Variants in ALCAM observed in about 807,000 individuals in gnomAD.
ALCAM encodes the protein activated leukocyte cell adhesion molecule.
A neutral mutation model predicts 70.9 loss-of-function variants in ALCAM; 30 were observed. The ratio of observed to expected loss-of-function variants is 0.42; its 90% CI spans 0.32 to 0.57. The LOEUF (loss-of-function observed/expected upper bound fraction) is 0.57. Ranked by LOEUF, ALCAM falls within the 20% of genes least tolerant of loss-of-function variation. ALCAM has a pLI of 0.11. For missense variants in ALCAM, 591 were observed against 695.1 expected (o/e 0.85, Z 1.68); for synonymous variants, 249 against 242.5 (o/e 1.03, Z -0.25).
intron 1 of ALCAM, among the ~76,000 whole-genome samples, chr3:105,390,669 G>T (rs1935794429): frequency 6.6e-6 from 1 of 152,004 alleles, no homozygotes; most frequent in Non-Finnish European, 1.5e-5. Flanking sequence ...TGAAATCTTT[G>T]CCCATGCCTA....
intron 14 of ALCAM, among the ~76,000 whole-genome samples, chr3:105,557,824 G>T (rs561428676): frequency 1.3e-5 from 2 of 152,148 alleles, no homozygotes; most frequent in South Asian, 4.2e-4. Flanking sequence ...CTATTTCTTT[G>T]TAGAGTCTTA....
chr3:105,524,229 T>G, intron 2 of ALCAM, 60 bp from the exon 3 acceptor site: 2 of 1,367,434 alleles, frequency 1.5e-6, no homozygotes, highest in Non-Finnish European at 2.0e-6. Context: ...TTATTTTGAA[T>G]GTAATCCTGA....
intron 1 of ALCAM, among the ~76,000 whole-genome samples, chr3:105,443,192 G>A (rs1937216453): frequency 1.3e-5 from 2 of 152,130 alleles, no homozygotes; most frequent in Admixed American, 1.3e-4. Flanking sequence ...CATGTTATGT[G>A]TATTACTTGG....
intron 1 of ALCAM, among the ~76,000 whole-genome samples, chr3:105,469,796 T>C (rs1164649313): frequency 6.6e-6 from 1 of 150,950 alleles, no homozygotes; most frequent in East Asian, 1.9e-4. Flanking sequence ...ATTTATTTCA[T>C]ATTATCCCAG....
At chr3:105,467,462 G>A (rs181940399) in intron 1 of ALCAM, among the ~76,000 whole-genome samples, 2 of 151,272 alleles carry the variant, frequency 1.3e-5, no homozygotes, top group Admixed American at 6.6e-5. Flanking sequence ...CACTCATGGA[G>A]AATGTGAGAG....
intron 4 of ALCAM, 31 bp downstream of exon 4, chr3:105,532,097 T>C: frequency 6.3e-7 from 1 of 1,582,392 alleles, no homozygotes; most frequent in Non-Finnish European, 8.7e-7. Flanking sequence ...ATACCTTTAT[T>C]TAGCCAGTGT....
chr3:105,407,267 A>AAC (rs1491280633), intron 1 of ALCAM, among the ~76,000 whole-genome samples: 1 of 16,446 alleles, frequency 6.1e-5, no homozygotes, highest in Non-Finnish European at 1.2e-4. Context: ...CAACAACAAC[A>AAC]AAAAAAAAAC....
At chr3:105,394,795 A>G (rs1249714760) in intron 1 of ALCAM, among the ~76,000 whole-genome samples, 1 of 151,978 alleles carries the variant, frequency 6.6e-6, no homozygotes, top group Non-Finnish European at 1.5e-5. Context: ...AACTGCAGCC[A>G]TAAAACAAGC....
At position 105,550,222 on chromosome 3, in the gene ALCAM, A is replaced by G. The variant is rs1472332393; in HGVS notation, c.1470A>G (p.Gln490=). The change falls in exon 12 of 16, where the codon CAA becomes CAG. Residue 490 remains glutamine, a synonymous_variant. Transcript: ENST00000306107. ...NVTLTCTAEN[Q]LERTVNSLNV... ...CATTAACTTGCACAGCAGAAAACCAACTGGAGAGAACAGTAAACTCCTTGA... is the reference window on the plus strand; with the variant it reads ...CATTAACTTGCACAGCAGAAAACCAGCTGGAGAGAACAGTAAACTCCTTGA... The G allele has an allele frequency of 1.2e-6, 2 of 1,608,448 alleles. No homozygotes were observed. The highest frequency in any genetic ancestry group is 1.7e-6 in the Non-Finnish European group (2 of 1,176,576).
rs34622350 is a variant in ALCAM, at chr3:105,404,675, G to GAA, written c.73+37203_73+37204dup. ...AGGACCTATATAACAATAACACAAT[G>GAA]AAAAAAAAAACAAGGTATTTAGGAA... On this transcript the variant is annotated intron_variant, in intron 1 of 15. Transcript: ENST00000306107. 9.9e-3 allele frequency among the ~76,000 whole-genome samples: 1,464 copies of GAA among 147,404 alleles called. 16 individuals carry two copies. The highest frequency in any genetic ancestry group is 0.017 in the African/African-American group (699 of 40,006).
At chr3:105,547,090 T>C in intron 9 of ALCAM, 59 bp from the exon 10 acceptor site, 19 of 1,400,752 alleles carry the variant, frequency 1.4e-5, no homozygotes, top group Non-Finnish European at 1.8e-5. Context: ...TATTATCTAA[T>C]AAATACACTG....
intron 1 of ALCAM, among the ~76,000 whole-genome samples, chr3:105,423,772 CT>C (rs1936726420): frequency 1.3e-5 from 2 of 151,696 alleles, no homozygotes; most frequent in Admixed American, 1.3e-4. Flanking sequence ...GCAATCACCA[CT>C]TTAACAAACT....
chr3:105,477,077 C>A (rs1171472940), intron 1 of ALCAM, among the ~76,000 whole-genome samples: 2 of 152,054 alleles, frequency 1.3e-5, no homozygotes, highest in African/African-American at 4.8e-5. Flanking sequence ...TCTGAGGCCT[C>A]CCCAGCCATG....
At chr3:105,405,281 A>AAAAC (rs1936198266) in intron 1 of ALCAM, among the ~76,000 whole-genome samples, 1 of 60,708 alleles carries the variant, frequency 1.6e-5, no homozygotes, top group African/African-American at 5.1e-5. Flanking sequence ...TCGTCTCAAA[A>AAAAC]AAAAAAAAAA....
At chr3:105,403,183 G>A (rs546647176) in intron 1 of ALCAM, among the ~76,000 whole-genome samples, 38 of 152,152 alleles carry the variant, frequency 2.5e-4, no homozygotes, top group African/African-American at 8.9e-4. Context: ...CTGACCTTAG[G>A]TGATCCACCC....
At chr3:105,545,393 T>C (rs1168052938) in intron 9 of ALCAM, 58 bp downstream of exon 9, 2 of 1,212,942 alleles carry the variant, frequency 1.6e-6, no homozygotes, top group African/African-American at 1.5e-5. Context: ...TTAGGTTTCT[T>C]ATGCACTTTA....
intron 3 of ALCAM, among the ~76,000 whole-genome samples, chr3:105,526,045 A>G (rs1939698343): frequency 6.6e-6 from 1 of 152,188 alleles, no homozygotes; most frequent in Non-Finnish European, 1.5e-5. Flanking sequence ...GAGTAATCAA[A>G]AAGTTTTTTG....
chr3:105,430,648 C>T lies in ALCAM; in HGVS notation c.73+63167C>T, dbSNP rs914527702. Among the ~76,000 whole-genome samples the T allele has an allele frequency of 2.6e-5, 4 of 152,116 alleles. No individual in the cohort carries two copies. The East Asian group carries it at 5.8e-4, about 22-fold the overall frequency. On this transcript the variant is annotated intron_variant, in intron 1 of 15. Transcript: ENST00000306107. ...GCCGTATTTCTCCACTATGAAGTTA[C>T]GCTTCTTCCCTTTTTTCATTTTGTG... is the stretch of plus-strand genomic sequence containing the variant.
intron 3 of ALCAM, among the ~76,000 whole-genome samples, chr3:105,526,265 G>A (rs1448957849): frequency 8.8e-5 from 13 of 147,326 alleles, no homozygotes; most frequent in Non-Finnish European, 1.6e-4. Flanking sequence ...AATTATTTGT[G>A]ACAGTTTTCA....
Sources: gnomAD v4.1 joint callset for allele counts (sites outside exome capture counted in the v4.1 genomes callset) on GRCh38, gnomAD v4.1.1 for gene constraint, MANE v1.5 for transcripts, NCBI Gene and HGNC (gene_info 2026-07-23, HGNC 2026-07-21) for gene names.